XKR5: variants seen among roughly 807,000 people sequenced by gnomAD.
XKR5 encodes XK related 5, also known as XK-related protein 5.
Under a neutral mutation model 40.8 loss-of-function variants are expected in XKR5, and 46 were observed. The observed-to-expected ratio is 1.13, with a 90% CI of 0.89 to 1.44. XKR5 has a LOEUF of 1.44. Among genes scored for constraint, XKR5 ranks in the 40% most tolerant of loss-of-function variants. The pLI, the probability that XKR5 is intolerant of heterozygous loss-of-function variation, is 0.00. For missense variants in XKR5, 1,169 were observed against 844.7 expected (o/e 1.38, Z -4.76); for synonymous variants, 466 against 356.1 (o/e 1.31, Z -3.48).
At chr8:6,830,384 G>C (rs1014046734) in intron 2 of XKR5, among the ~76,000 whole-genome samples, 2 of 152,196 alleles carry the variant, frequency 1.3e-5, no homozygotes, top group African/African-American at 4.8e-5. Context: ...CTAGTTTCAG[G>C]ATGAGGAATG....
At chr8:6,826,674 G>C (rs1176981815) in intron 2 of XKR5, among the ~76,000 whole-genome samples, 1 of 152,210 alleles carries the variant, frequency 6.6e-6, no homozygotes, top group African/African-American at 2.4e-5. Context: ...CCCATAAGGA[G>C]AGATCTGGAT....
intron 6 of XKR5, among the ~76,000 whole-genome samples, chr8:6,814,019 C>T (rs1309847926): frequency 6.6e-6 from 1 of 152,168 alleles, no homozygotes; most frequent in Non-Finnish European, 1.5e-5. Context: ...GACCTCCCGG[C>T]CGGCAAGGCC....
intron 2 of XKR5, among the ~76,000 whole-genome samples, chr8:6,828,306 G>C (rs1804612403): frequency 6.6e-6 from 1 of 152,194 alleles, no homozygotes. Flanking sequence ...GGTAGGAAGA[G>C]CCTAAAGGAG....
chr8:6,830,193 A>T (rs1804696937), intron 2 of XKR5, among the ~76,000 whole-genome samples: 1 of 152,144 alleles, frequency 6.6e-6, no homozygotes, highest in South Asian at 2.1e-4. Context: ...CAGTTAGCAG[A>T]TTCTTTTGTA....
At chr8:6,828,823 A>G (rs1324198085) in intron 2 of XKR5, among the ~76,000 whole-genome samples, 1 of 152,202 alleles carries the variant, frequency 6.6e-6, no homozygotes, top group African/African-American at 2.4e-5. Context: ...TGAGGATAAA[A>G]TCCAAACTCC....
At chr8:6,820,182 C>A (rs1804169634) in intron 5 of XKR5, among the ~76,000 whole-genome samples, 1 of 152,258 alleles carries the variant, frequency 6.6e-6, no homozygotes, top group South Asian at 2.1e-4. Flanking sequence ...TTCCCCATCA[C>A]ATGCTGTAGG....
At chr8:6,820,778 C>G (rs1205290734) in intron 5 of XKR5, among the ~76,000 whole-genome samples, 1 of 152,144 alleles carries the variant, frequency 6.6e-6, no homozygotes, top group East Asian at 1.9e-4. Flanking sequence ...GGCTCTATAG[C>G]CTGTGGGGTC....
In XKR5 at chr8:6,810,933, C is replaced by G. The variant is rs1383782227; in HGVS notation, c.*265G>C. 1 of 324,130 alleles carries G rather than the reference C, an allele frequency of 3.1e-6. No homozygotes were observed. The highest frequency in any genetic ancestry group is 5.6e-6 in the Non-Finnish European group (1 of 178,868). The allele number at this position is 324,130 out of a possible 1,614,324, so 20.1% of individuals were successfully genotyped here. ...GGAACCTACAGCTCATAAAAGGTAG[C>G]AGACAATTTTGACTGGAATCTCTTT... On this transcript the variant is annotated 3_prime_UTR_variant, in exon 7 of 7. Coordinates refer to ENST00000618742, the MANE Select transcript of XKR5 (RefSeq NM_207411.5).
At chr8:6,833,945 GT>G (rs1804883339) in intron 1 of XKR5, among the ~76,000 whole-genome samples, 1 of 152,198 alleles carries the variant, frequency 6.6e-6, no homozygotes, top group Non-Finnish European at 1.5e-5. Flanking sequence ...TTGTTTGCTT[GT>G]TTGTTTTTGA....
chr8:6,822,499 T>C (rs1035765428), intron 4 of XKR5, among the ~76,000 whole-genome samples: 1 of 94,300 alleles, frequency 1.1e-5, no homozygotes, highest in Admixed American at 1.2e-4. Flanking sequence ...TTCAAGCTGA[T>C]TTTTTTTAAA....
intron 2 of XKR5, among the ~76,000 whole-genome samples, chr8:6,830,776 T>C (rs1209652821): frequency 6.6e-6 from 1 of 152,248 alleles, no homozygotes; most frequent in Non-Finnish European, 1.5e-5. Flanking sequence ...CACTAGTATA[T>C]ACCAGATTAT....
chr8:6,830,262 C>T (rs1210186557), intron 2 of XKR5, among the ~76,000 whole-genome samples: 1 of 152,180 alleles, frequency 6.6e-6, no homozygotes. Flanking sequence ...TTGTGCCAAA[C>T]GCAATTGTTT....
intron 6 of XKR5, among the ~76,000 whole-genome samples, chr8:6,813,105 T>G: frequency 6.6e-6 from 1 of 152,134 alleles, no homozygotes; most frequent in Non-Finnish European, 1.5e-5. Context: ...GCCAGGAGAT[T>G]GCAGCATGAC....
intron 1 of XKR5, among the ~76,000 whole-genome samples, chr8:6,834,059 C>T (rs897835228): frequency 6.6e-6 from 1 of 152,138 alleles, no homozygotes; most frequent in Admixed American, 6.5e-5. Context: ...TGTGGGGTCC[C>T]TTTTCTCCTA....
chr8:6,820,113 A>T (rs1244097475), intron 5 of XKR5, among the ~76,000 whole-genome samples: 1 of 152,198 alleles, frequency 6.6e-6, no homozygotes, highest in Non-Finnish European at 1.5e-5. Context: ...TACAGTTCAG[A>T]ACCGAAGGAT....
At chr8:6,828,067 C>T (rs1167671238) in intron 2 of XKR5, among the ~76,000 whole-genome samples, 2 of 151,040 alleles carry the variant, frequency 1.3e-5, no homozygotes. Flanking sequence ...AGAAGACTCT[C>T]GTGAAAAAAA....
intron 5 of XKR5, 108 bp from the exon 6 acceptor site, chr8:6,816,026 C>T (rs1803943732): frequency 1.3e-6 from 1 of 756,950 alleles, no homozygotes; most frequent in African/African-American, 1.7e-5. Flanking sequence ...CCTGAGTGCC[C>T]ACTGGAGACT....
chr8:6,828,832 C>T (rs1363491352), intron 2 of XKR5, among the ~76,000 whole-genome samples: 4 of 152,210 alleles, frequency 2.6e-5, no homozygotes, highest in Admixed American at 2.6e-4. Flanking sequence ...AATCCAAACT[C>T]CTTAATCCAG....
At chr8:6,834,611 A>T (rs1323170474) in intron 1 of XKR5, among the ~76,000 whole-genome samples, 1 of 152,156 alleles carries the variant, frequency 6.6e-6, no homozygotes, top group Non-Finnish European at 1.5e-5. Context: ...AAGCAGCGGG[A>T]CCTGCGGGGA....
Sources: allele counts gnomAD v4.1 joint callset (sites outside exome capture counted in the v4.1 genomes callset), GRCh38; gene constraint gnomAD v4.1.1; transcripts MANE v1.5; gene names NCBI Gene and HGNC (gene_info 2026-07-23, HGNC 2026-07-21).